Variants in ADAMTS18 observed in about 807,000 individuals in gnomAD.
ADAMTS18 encodes A disintegrin and metalloproteinase with thrombospondin motifs 18.
In ADAMTS18, 157 loss-of-function variants were observed where a neutral mutation model predicts 165.9. The ratio of observed to expected loss-of-function variants is 0.95; its 90% CI spans 0.83 to 1.08. The LOEUF is 1.08. Ranked by LOEUF, ADAMTS18 falls within the 50% of genes least tolerant of loss-of-function variation. The probability of loss-of-function intolerance (pLI) is 0.00; values close to 1 mark genes in which losing one functional copy is unlikely to be tolerated. For missense variants in ADAMTS18, 2,040 were observed against 1,534.0 expected (o/e 1.33, Z -5.51); for synonymous variants, 782 against 578.2 (o/e 1.35, Z -5.06).
At chr16:77,364,831 C>G (rs2650909) in intron 4 of ADAMTS18, among the ~76,000 whole-genome samples, 55,922 of 151,596 alleles carry the variant, frequency 0.37, 11,058 homozygotes, top group Non-Finnish European at 0.45. Context: ...CTAGGCCAGG[C>G]GTGGTGGCTC....
intron 3 of ADAMTS18, among the ~76,000 whole-genome samples, chr16:77,427,932 C>T (rs62043625): frequency 0.28 from 43,251 of 152,188 alleles, 7,208 homozygotes; most frequent in Non-Finnish European, 0.39. Flanking sequence ...TACGTACATA[C>T]GTATTCACTA....
intron 3 of ADAMTS18, 102 bp downstream of exon 3, chr16:77,431,193 G>C (rs1489170745): frequency 2.5e-6 from 3 of 1,220,822 alleles, no homozygotes; most frequent in Non-Finnish European, 3.6e-6. Context: ...CAGTGTGAAT[G>C]TGTGGAGTTG....
At chr16:77,353,950 C>A in intron 9 of ADAMTS18, 64 bp from the exon 10 acceptor site, 1 of 1,598,314 alleles carries the variant, frequency 6.3e-7, no homozygotes, top group Non-Finnish European at 8.6e-7. Flanking sequence ...TTTACGACAA[C>A]ACACTTCTGA....
Position 77,358,639 on chromosome 16 carries a change from A to C in ADAMTS18, c.1322+679T>G, listed in dbSNP as rs185314364. 4.0e-3 allele frequency among the ~76,000 whole-genome samples: 606 copies of C among 152,372 alleles called. 2 individuals carry two copies. In the Middle Eastern group the frequency reaches 0.061, roughly 15 times the overall value. The stretch of plus-strand genomic sequence containing the variant: ...ACTGAATGATGTTTGCTTTTAAGTC[A>C]AAAATTAACTAGATGCTTTGAAAAT... On this transcript the variant is annotated intron_variant, in intron 8 of 22. Transcript: ENST00000282849.
chr16:77,381,741 G>C (rs2057033830), intron 3 of ADAMTS18, among the ~76,000 whole-genome samples: 1 of 152,314 alleles, frequency 6.6e-6, no homozygotes, highest in South Asian at 2.1e-4. Context: ...GGCGGAGGTT[G>C]CAGTGAGCCG....
intron 16 of ADAMTS18, among the ~76,000 whole-genome samples, chr16:77,313,303 G>C (rs1449541093): frequency 1.1e-4 from 16 of 152,118 alleles, no homozygotes; most frequent in African/African-American, 3.9e-4. Context: ...GTCGGGTGGG[G>C]GCAGGGGGGA....
intron 17 of ADAMTS18, among the ~76,000 whole-genome samples, chr16:77,298,922 G>T (rs762932843): frequency 3.3e-5 from 5 of 152,246 alleles, no homozygotes; most frequent in African/African-American, 4.8e-5. Context: ...ATGCGAAGGG[G>T]TTGCTAAGGC....
chr16:77,382,847 G>A (rs2057051425), intron 3 of ADAMTS18, among the ~76,000 whole-genome samples: 1 of 152,160 alleles, frequency 6.6e-6, no homozygotes, highest in Admixed American at 6.5e-5. Context: ...AGGCTTTGCT[G>A]CTGGGTCTGC....
At chr16:77,340,234 GC>G (rs1181501238) in intron 11 of ADAMTS18, among the ~76,000 whole-genome samples, 1 of 152,120 alleles carries the variant, frequency 6.6e-6, no homozygotes. Context: ...GAATTCAGTG[GC>G]ACAATCTCCA....
intron 22 of ADAMTS18, among the ~76,000 whole-genome samples, chr16:77,285,065 T>C (rs1192339939): frequency 6.6e-6 from 1 of 152,182 alleles, no homozygotes; most frequent in African/African-American, 2.4e-5. Flanking sequence ...GATGTGATTA[T>C]TTCACTGTAC....
At chr16:77,379,330 G>A (rs2056998692) in intron 3 of ADAMTS18, among the ~76,000 whole-genome samples, 1 of 151,662 alleles carries the variant, frequency 6.6e-6, no homozygotes, top group Admixed American at 6.6e-5. Flanking sequence ...GGTTTGGCTA[G>A]CATCATGGGG....
In ADAMTS18 at chr16:77,362,522, C is replaced by T. The variant is rs79057254; in HGVS notation, c.1057-258G>A. 5.2e-3 allele frequency among the ~76,000 whole-genome samples: 797 copies of T among 152,250 alleles called. 10 individuals are homozygous for T. The highest frequency in any genetic ancestry group is 0.018 in the African/African-American group (767 of 41,536). On this transcript the variant is annotated intron_variant, in intron 6 of 22. Coordinates refer to ENST00000282849, the MANE Select transcript of ADAMTS18 (RefSeq NM_199355.4). The stretch of plus-strand genomic sequence containing the variant: ...AATAACCTAGCATCAGTTAGAACAC[C>T]TTTGTTCATCTTACCTAGTACTACC...
chr16:77,376,198 C>G (rs274522), intron 3 of ADAMTS18, among the ~76,000 whole-genome samples: 53,117 of 152,070 alleles, frequency 0.35, 10,226 homozygotes, highest in Non-Finnish European at 0.44. Flanking sequence ...CCACTGCACC[C>G]GGCCGCAGAC....
intron 12 of ADAMTS18, among the ~76,000 whole-genome samples, chr16:77,329,168 C>G (rs1597129157): frequency 1.3e-5 from 2 of 151,870 alleles, no homozygotes; most frequent in South Asian, 4.2e-4. Flanking sequence ...TGAACTGGCA[C>G]AATCATGGCT....
At chr16:77,414,203 C>G (rs990189005) in intron 3 of ADAMTS18, among the ~76,000 whole-genome samples, 6 of 152,290 alleles carry the variant, frequency 3.9e-5, no homozygotes, top group African/African-American at 1.4e-4. Context: ...GTTTGAAGGA[C>G]AAACAATTTT....
chr16:77,359,238 T>C, intron 8 of ADAMTS18, 80 bp downstream of exon 8: 1 of 1,255,374 alleles, frequency 8.0e-7, no homozygotes, highest in Non-Finnish European at 1.1e-6. Flanking sequence ...TCTGCCTAAG[T>C]CAACAACAAC....
Position 77,362,176 on chromosome 16 carries a change from C to A in ADAMTS18, c.1145G>T (p.Arg382Ile). 6.2e-7 allele frequency: 1 copy of A among 1,614,082 alleles called. No individual in the cohort carries two copies. Among genetic ancestry groups the A allele is most frequent in the Non-Finnish European group, 8.5e-7 (1 of 1,179,968 alleles). The part of the protein sequence containing the change: ...QSALIGKNGK[R>I]HDHAILLTGF... ...TGTTAGTAAGATGGCATGATCATGT[C>A]TCTTGCCATTCTTTCCAATGAGGGC... Residue 382 changes from arginine to isoleucine, a missense_variant, in exon 7 of 23, where the codon AGA becomes ATA. Coordinates refer to ENST00000282849, the MANE Select transcript of ADAMTS18 (RefSeq NM_199355.4).
intron 3 of ADAMTS18, among the ~76,000 whole-genome samples, chr16:77,424,165 TA>T (rs2057640899): frequency 2.0e-5 from 3 of 151,542 alleles, no homozygotes; most frequent in Non-Finnish European, 4.4e-5. Flanking sequence ...TTAGTGGTCA[TA>T]CCCGAAAAGG....
intron 3 of ADAMTS18, among the ~76,000 whole-genome samples, chr16:77,423,351 G>C (rs16945674): frequency 0.014 from 2,124 of 152,224 alleles, 50 homozygotes; most frequent in African/African-American, 0.048. Flanking sequence ...ATTTTGAAAA[G>C]TCCTCTGCAG....
Sources: allele counts gnomAD v4.1 joint callset (sites outside exome capture counted in the v4.1 genomes callset), GRCh38; gene constraint gnomAD v4.1.1; transcripts MANE v1.5; gene names NCBI Gene and HGNC (gene_info 2026-07-23, HGNC 2026-07-21).